The following PDE6A variants were observed in gnomAD, a reference collection of about 807,000 sequenced individuals.
PDE6A encodes the protein phosphodiesterase 6A, also known as rod cGMP-specific 3',5'-cyclic phosphodiesterase subunit alpha.
Under a neutral mutation model 106.3 loss-of-function variants are expected in PDE6A, and 84 were observed. The observed-to-expected ratio is 0.79, with a 90% CI of 0.66 to 0.95. PDE6A has a LOEUF of 0.95. PDE6A is among the 40% of genes least tolerant of loss of function. The pLI is 0.00. For missense variants in PDE6A, 1,052 were observed against 1,084.9 expected, an observed-to-expected ratio of 0.97 and a Z score of 0.43; for synonymous variants, 394 against 386.6, an observed-to-expected ratio of 1.02 and a Z score of -0.23.
At chr5:149,880,704 C>G (rs370988727) in intron 17 of PDE6A, among the ~76,000 whole-genome samples, 2 of 151,598 alleles carry the variant, frequency 1.3e-5, no homozygotes, top group East Asian at 3.9e-4. Context: ...GACTCCATCT[C>G]AAAAAAAGAA....
At chr5:149,902,233 C>T (rs1429067381) in intron 8 of PDE6A, among the ~76,000 whole-genome samples, 5 of 152,104 alleles carry the variant, frequency 3.3e-5, no homozygotes, top group Non-Finnish European at 7.3e-5. Context: ...TCCAATAAGC[C>T]ATCTTTTTCC....
intron 17 of PDE6A, among the ~76,000 whole-genome samples, chr5:149,874,400 A>T (rs1196912788): frequency 6.6e-6 from 1 of 152,076 alleles, no homozygotes; most frequent in Non-Finnish European, 1.5e-5. Context: ...CTTTACTTAC[A>T]TTTTCTAGTT....
intron 1 of PDE6A, among the ~76,000 whole-genome samples, chr5:149,935,794 T>C (rs1375195149): frequency 1.3e-5 from 2 of 152,234 alleles, no homozygotes; most frequent in Admixed American, 6.5e-5. Context: ...AGCCCAAACA[T>C]GCTCAGCTCA....
intron 17 of PDE6A, among the ~76,000 whole-genome samples, chr5:149,870,678 C>G (rs1760500315): frequency 6.6e-6 from 1 of 151,512 alleles, no homozygotes; most frequent in South Asian, 2.1e-4. Flanking sequence ...CAGCACCTCC[C>G]CCTTATATGC....
chr5:149,935,158 C>A (rs1176371669), intron 1 of PDE6A, among the ~76,000 whole-genome samples: 1 of 152,120 alleles, frequency 6.6e-6, no homozygotes, highest in African/African-American at 2.4e-5. Flanking sequence ...TTTATCTTCG[C>A]AATAAGCTAT....
At position 149,944,258 on chromosome 5, in the gene PDE6A, C is replaced by A. The variant is rs1754404616; in HGVS notation, c.416G>T (p.Gly139Val). 1 of 1,613,748 alleles carries A rather than the reference C, an allele frequency of 6.2e-7. No homozygotes were observed. The highest frequency in any genetic ancestry group is 1.7e-5 in the Admixed American group (1 of 59,994). The change falls in exon 1 of 22, where the codon GGC (glycine) becomes GTC (valine). Residue 139 changes from glycine to valine, a missense_variant. Physicochemically the swap from Gly to Val is moderately radical, Grantham distance 109 (BLOSUM62 -3). Around this residue, in one of 3 missense-constraint regions of PDE6A, gnomAD observed 913 missense variants for 915.2 expected, o/e 1.00. Coordinates refer to ENST00000255266, the MANE Select transcript of PDE6A (RefSeq NM_000440.3). Reference protein sequence around the residue: ...DQEIVFPLDMGIVGHVAHSKK... With the variant: ...DQEIVFPLDMVIVGHVAHSKK... ...AGAGTGTGCGACATGGCCCACGATG[C>A]CCATGTCCAAAGGGAAGACGATCTC...
Position 149,895,222 on chromosome 5 carries a change from G to C in PDE6A, c.1689C>G (p.His563Gln). 1 of 1,614,048 alleles carries C rather than the reference G, an allele frequency of 6.2e-7. No individual in the cohort carries two copies. Among genetic ancestry groups the C allele is most frequent in the Non-Finnish European group, 8.5e-7 (1 of 1,179,920 alleles). The change falls in exon 13 of 22, where the codon CAC (histidine) becomes CAG (glutamine). Residue 563 changes from histidine (H) to glutamine (Q), a missense_variant. His to Gln is a conservative substitution (Grantham distance 24). Transcript: ENST00000255266. ...ACATGGTCTGCCCCACGTTGAAGCCGTGCCGCCAGTTGTGGTAGGTGATCT... is the reference window on the plus strand; with the variant it reads ...ACATGGTCTGCCCCACGTTGAAGCCCTGCCGCCAGTTGTGGTAGGTGATCT... ...YRKITYHNWR[H>Q]GFNVGQTMFS...
chr5:149,911,587 T>C (rs1753388552), intron 6 of PDE6A, among the ~76,000 whole-genome samples: 1 of 152,194 alleles, frequency 6.6e-6, no homozygotes, highest in Admixed American at 6.5e-5. Flanking sequence ...CAATTCTATT[T>C]CAGAAATGTC....
At chr5:149,880,211 GT>G (rs1011487825) in intron 17 of PDE6A, among the ~76,000 whole-genome samples, 4 of 151,906 alleles carry the variant, frequency 2.6e-5, no homozygotes, top group African/African-American at 9.7e-5. Flanking sequence ...ATAAAGCAGG[GT>G]TTTTTTGTTT....
chr5:149,944,588 C>A lies in PDE6A; in HGVS notation c.86G>T (p.Arg29Leu). Residue 29 changes from arginine (R) to leucine (L), a missense_variant, in exon 1 of 22, where the codon CGG becomes CTG. Coordinates refer to ENST00000255266, the MANE Select transcript of PDE6A (RefSeq NM_000440.3). ...AAGGAGGTCGGAGATGAGCTTGGCC[C>A]GGTAGTGGAGGTTGTAGTACTGTTT... The part of the protein sequence containing the change: ...FAKQYYNLHY[R>L]AKLISDLLGA... 1 of 1,613,974 alleles carries A rather than the reference C, an allele frequency of 6.2e-7. No homozygotes were observed. The highest frequency in any genetic ancestry group is 2.2e-5 in the East Asian group (1 of 44,874).
At chr5:149,898,934 G>T (rs538809896) in intron 9 of PDE6A, among the ~76,000 whole-genome samples, 4 of 152,304 alleles carry the variant, frequency 2.6e-5, no homozygotes, top group African/African-American at 4.8e-5. Context: ...CACAATCATG[G>T]CTCACTGCAG....
chr5:149,863,124 T>G lies in PDE6A; in HGVS notation c.2501A>C (p.Lys834Thr). 1 of 1,614,224 alleles carries G rather than the reference T, an allele frequency of 6.2e-7. No individual in the cohort carries two copies. Among genetic ancestry groups the G allele is most frequent in the Non-Finnish European group, 8.5e-7 (1 of 1,180,040 alleles). Residue 834 changes from lysine to threonine, a missense_variant, in exon 21 of 22, where the codon AAG (lysine) becomes ACG (threonine). Lys to Thr is a moderately conservative substitution (Grantham distance 78, BLOSUM62 -1). Transcript: ENST00000255266. The surrounding 1 kb of genome is among the most constrained non-coding windows in gnomAD (Gnocchi z 4.7). ...EEKKQKQQSA[K>T]SAAAGNQPGG... ...TGCTTCCCCCTTCCACAAACCTGAC[T>G]TGGCCGACTGCTGTTTCTGCTTCTT...
Position 149,860,582 on chromosome 5 carries a change from A to G in PDE6A, c.*313T>C. Reference sequence around the variant, plus strand: ...GCCCGTGGGCCACATGCAGCCCAGGACGGCTTTGAATGCGGCCCAACACAA... The same window carrying G: ...GCCCGTGGGCCACATGCAGCCCAGGGCGGCTTTGAATGCGGCCCAACACAA... On this transcript the variant is annotated 3_prime_UTR_variant, in exon 22 of 22. Transcript: ENST00000255266. 1 of 284,790 alleles carries G rather than the reference A, an allele frequency of 3.5e-6. No individual in the cohort carries two copies. Among genetic ancestry groups the G allele is most frequent in the Admixed American group, 4.7e-5 (1 of 21,224 alleles). The allele number at this position is 284,790 out of a possible 1,614,324, so 17.6% of individuals were successfully genotyped here. A position where few individuals can be genotyped will look rare whatever the true frequency, so the allele number is the denominator to read the frequency against.
chr5:149,915,534 T>C (rs1753524960), intron 5 of PDE6A, among the ~76,000 whole-genome samples: 1 of 152,200 alleles, frequency 6.6e-6, no homozygotes, highest in Non-Finnish European at 1.5e-5. Context: ...CTTCTGGTGC[T>C]CCCTGTCCTC....
At chr5:149,877,023 T>C (rs1304712433) in intron 17 of PDE6A, among the ~76,000 whole-genome samples, 1 of 152,096 alleles carries the variant, frequency 6.6e-6, no homozygotes, top group Non-Finnish European at 1.5e-5. Flanking sequence ...AAAAAAATTG[T>C]AAAGACAGAT....
intron 17 of PDE6A, 39 bp downstream of exon 17, chr5:149,883,390 A>G: frequency 7.4e-7 from 1 of 1,343,998 alleles, no homozygotes; most frequent in South Asian, 1.2e-5. Flanking sequence ...CATGATCCTA[A>G]GCCTAAGAGG....
chr5:149,874,738 A>G (rs755003089), intron 17 of PDE6A, among the ~76,000 whole-genome samples: 23 of 152,170 alleles, frequency 1.5e-4, no homozygotes, highest in Non-Finnish European at 2.8e-4. Context: ...GGTCCTGCCA[A>G]GAGTCATCCC....
chr5:149,881,920 C>T (rs1472433193), intron 17 of PDE6A, among the ~76,000 whole-genome samples: 5 of 150,476 alleles, frequency 3.3e-5, no homozygotes, highest in African/African-American at 1.0e-4. Context: ...AGGTATAGTG[C>T]GTGTGCCTGT....
At chr5:149,906,638 C>T (rs1753202135) in intron 7 of PDE6A, among the ~76,000 whole-genome samples, 1 of 151,698 alleles carries the variant, frequency 6.6e-6, no homozygotes, top group Non-Finnish European at 1.5e-5. Context: ...AAATCTAATA[C>T]TCCAGCCACA....
Sources: allele counts gnomAD v4.1 joint callset (sites outside exome capture counted in the v4.1 genomes callset), GRCh38; gene constraint gnomAD v4.1.1; regional missense constraint gnomAD v4.1.1; non-coding constraint Gnocchi (gnomAD v3.1); transcripts MANE v1.5; gene names NCBI Gene and HGNC (gene_info 2026-07-23, HGNC 2026-07-21).